The following CNTLN variants were observed in gnomAD, a reference collection of about 807,000 sequenced individuals.
The protein encoded by CNTLN is centlein, also known as centlein, centrosomal protein.
CNTLN carries 212 observed loss-of-function variants against 180.0 expected under a neutral mutation model. The ratio of observed to expected loss-of-function variants is 1.18; its 90% CI spans 1.05 to 1.32. The LOEUF is 1.32. Ranked by LOEUF, CNTLN falls within the 40% of genes most tolerant of loss-of-function variation. CNTLN has a pLI of 0.00. For missense variants in CNTLN, 2,095 were observed against 1,610.9 expected, an observed-to-expected ratio of 1.30 and a Z score of -5.14; for synonymous variants, 722 against 563.1, an observed-to-expected ratio of 1.28 and a Z score of -3.99.
chr9:17,400,012 A>G (rs1223694665), intron 15 of CNTLN, among the ~76,000 whole-genome samples: 2 of 152,132 alleles, frequency 1.3e-5, no homozygotes, highest in African/African-American at 4.8e-5. Context: ...TTATCATGTA[A>G]AACTTATATT....
At chr9:17,356,463 C>T (rs1046590517) in intron 12 of CNTLN, among the ~76,000 whole-genome samples, 2 of 152,170 alleles carry the variant, frequency 1.3e-5, no homozygotes, top group African/African-American at 2.4e-5. Flanking sequence ...TTGAATGCTT[C>T]AGAGTCTGAT....
chr9:17,507,706 A>T (rs535889488), downstream of CNTLN, among the ~76,000 whole-genome samples: 277 of 152,324 alleles, frequency 1.8e-3, 1 homozygote, highest in Middle Eastern at 3.4e-3. Context: ...ATTTTTTAAA[A>T]AAGCTTCGAC....
intron 5 of CNTLN, among the ~76,000 whole-genome samples, chr9:17,272,327 A>T (rs949088493): frequency 2.0e-5 from 3 of 152,040 alleles, no homozygotes; most frequent in Non-Finnish European, 4.4e-5. Flanking sequence ...TGCCCGCCTC[A>T]GCCTCCTAAA....
At chr9:17,182,460 T>C (rs759620202) in intron 2 of CNTLN, among the ~76,000 whole-genome samples, 67 of 152,306 alleles carry the variant, frequency 4.4e-4, no homozygotes, top group African/African-American at 1.5e-3. Flanking sequence ...CATGTTTATT[T>C]TATATGTAGT....
chr9:17,327,213 CTT>C (rs71492913), intron 8 of CNTLN, among the ~76,000 whole-genome samples: 3 of 117,742 alleles, frequency 2.5e-5, no homozygotes. Flanking sequence ...AGTAGTTAAC[CTT>C]TTTTTTTTTT....
chr9:17,368,657 G>C (rs2165688), intron 13 of CNTLN, among the ~76,000 whole-genome samples: 2 of 152,098 alleles, frequency 1.3e-5, no homozygotes, highest in African/African-American at 4.8e-5. Flanking sequence ...CAAAGAGAGA[G>C]AGACTCTGTT....
intron 2 of CNTLN, among the ~76,000 whole-genome samples, chr9:17,145,913 C>T (rs1818426211): frequency 6.6e-6 from 1 of 152,166 alleles, no homozygotes; most frequent in South Asian, 2.1e-4. Flanking sequence ...GTTGGCACTT[C>T]AGCTGAACAT....
At chr9:17,520,235 G>C in the CNTLN span, among the ~76,000 whole-genome samples, 1 of 152,174 alleles carries the variant, frequency 6.6e-6, no homozygotes, top group East Asian at 1.9e-4. Context: ...GCCACCTATA[G>C]TTTTTGACAC....
intron 15 of CNTLN, among the ~76,000 whole-genome samples, chr9:17,396,623 T>C (rs186553042): frequency 6.6e-6 from 1 of 152,182 alleles, no homozygotes; most frequent in Non-Finnish European, 1.5e-5. Flanking sequence ...AAAATTACCT[T>C]AAAATGTGGT....
In CNTLN at chr9:17,496,854, C is replaced by G. The variant is rs1342453381; in HGVS notation, c.4120-5697C>G. Among the ~76,000 whole-genome samples the G allele has an allele frequency of 3.3e-5, 5 of 152,154 alleles. No individual in the cohort carries two copies. In the East Asian group the frequency reaches 7.7e-4, roughly 23 times the overall value. ...GACATATCCCCTTCAAGTATATATACTACACAGTTCCTGGCATTTGAGAAC... is the reference window on the plus strand; with the variant it reads ...GACATATCCCCTTCAAGTATATATAGTACACAGTTCCTGGCATTTGAGAAC... On this transcript the variant is annotated intron_variant, in intron 25 of 25. Transcript: ENST00000380647.
At chr9:17,327,702 C>T (rs1587668819) in intron 8 of CNTLN, among the ~76,000 whole-genome samples, 1 of 151,928 alleles carries the variant, frequency 6.6e-6, no homozygotes, top group Non-Finnish European at 1.5e-5. Context: ...GCCTGTAATC[C>T]CAACCCTTTG....
At chr9:17,455,894 ATTATCCAC>A (rs202025481) in intron 18 of CNTLN, among the ~76,000 whole-genome samples, 2,590 of 152,032 alleles carry the variant, frequency 0.017, 78 homozygotes, top group African/African-American at 0.059. Flanking sequence ...AGAGAGCCTT[ATTATCCAC>A]AAACATTTGA....
chr9:17,304,766 A>T (rs989911002), intron 7 of CNTLN, among the ~76,000 whole-genome samples: 1 of 152,184 alleles, frequency 6.6e-6, no homozygotes, highest in Non-Finnish European at 1.5e-5. Flanking sequence ...AACTATTTAC[A>T]TAGTGTTTAC....
At chr9:17,526,087 C>T in the CNTLN span, among the ~76,000 whole-genome samples, 24 of 152,122 alleles carry the variant, frequency 1.6e-4, no homozygotes, top group African/African-American at 5.6e-4. Flanking sequence ...AGGTGCCCAC[C>T]ACCACACCCA....
At chr9:17,512,068 G>A in the CNTLN span, among the ~76,000 whole-genome samples, 2 of 152,148 alleles carry the variant, frequency 1.3e-5, no homozygotes, top group Non-Finnish European at 2.9e-5. Context: ...AGATCAAGAG[G>A]TTGGGACAGC....
At chr9:17,421,887 C>T (rs570317320) in intron 18 of CNTLN, among the ~76,000 whole-genome samples, 1 of 152,242 alleles carries the variant, frequency 6.6e-6, no homozygotes, top group South Asian at 2.1e-4. Flanking sequence ...GATCCAATCC[C>T]CACTTTTACA....
intron 6 of CNTLN, among the ~76,000 whole-genome samples, chr9:17,295,961 C>G (rs186566603): frequency 6.8e-6 from 1 of 146,782 alleles, no homozygotes; most frequent in African/African-American, 2.6e-5. Flanking sequence ...CATCTCCCTA[C>G]TCTTCAGTGA....
At chr9:17,308,561 C>G (rs1474034330) in intron 7 of CNTLN, among the ~76,000 whole-genome samples, 1 of 151,972 alleles carries the variant, frequency 6.6e-6, no homozygotes, top group Non-Finnish European at 1.5e-5. Context: ...TATGTTAAGT[C>G]CGATTAAACT....
At chr9:17,211,233 C>A (rs1462980577) in intron 2 of CNTLN, among the ~76,000 whole-genome samples, 4 of 152,200 alleles carry the variant, frequency 2.6e-5, no homozygotes, top group Admixed American at 2.0e-4. Context: ...AATTTTAGTA[C>A]AAGGTGTAAG....
Sources: allele counts gnomAD v4.1 joint callset (sites outside exome capture counted in the v4.1 genomes callset), GRCh38; gene constraint gnomAD v4.1.1; transcripts MANE v1.5; gene names NCBI Gene and HGNC (gene_info 2026-07-23, HGNC 2026-07-21).